The following SGPP2 variants were observed in gnomAD, a reference collection of about 807,000 sequenced individuals.
SGPP2 encodes the protein sphingosine 1-phosphate phosphohydrolase 2.
Under a neutral mutation model 33.9 loss-of-function variants are expected in SGPP2, and 30 were observed. The observed-to-expected ratio is 0.89, with a 90% CI of 0.66 to 1.20. The LOEUF is 1.20. SGPP2 is among the 50% of genes most tolerant of loss of function. The pLI is 0.00. For synonymous variants in SGPP2, 233 were observed against 225.0 expected (o/e 1.04, Z -0.32); for missense variants, 458 against 532.1 (o/e 0.86, Z 1.37).
chr2:222,513,894 A>G lies in SGPP2; in HGVS notation c.379-7873A>G, dbSNP rs773090164. Among the ~76,000 whole-genome samples, 161 of 152,312 alleles carry G rather than the reference A, an allele frequency of 1.1e-3. 1 individual carries two copies. Among genetic ancestry groups the G allele is most frequent in the Non-Finnish European group, 2.0e-3 (138 of 68,032 alleles). On this transcript the variant is annotated intron_variant, in intron 2 of 4. Coordinates refer to ENST00000321276, the MANE Select transcript of SGPP2 (RefSeq NM_152386.4). Reference sequence around the variant, plus strand: ...CAGACTTGTGGCTTCTAAGCCCTACATATCCACTAGTCAATTTTCCATCTC... The same window carrying G: ...CAGACTTGTGGCTTCTAAGCCCTACGTATCCACTAGTCAATTTTCCATCTC...
At chr2:222,452,849 C>T in intron 1 of SGPP2, 2 of 1,608,050 alleles carry the variant, frequency 1.2e-6, no homozygotes, top group Admixed American at 1.7e-5. Flanking sequence ...TTTTCTGCCA[C>T]CTCTTAGATT....
chr2:222,521,327 T>C (rs554509711), intron 2 of SGPP2, among the ~76,000 whole-genome samples: 1 of 152,326 alleles, frequency 6.6e-6, no homozygotes, highest in East Asian at 1.9e-4. Flanking sequence ...GCACAGACTT[T>C]GAAGTCAGAC....
At chr2:222,546,728 G>T (rs1439817673) in intron 4 of SGPP2, among the ~76,000 whole-genome samples, 2 of 150,688 alleles carry the variant, frequency 1.3e-5, no homozygotes, top group Non-Finnish European at 2.9e-5. Flanking sequence ...GCCTATTTGC[G>T]CTTATGTATT....
At chr2:222,446,867 TGAG>T (rs1697406787) in intron 1 of SGPP2, among the ~76,000 whole-genome samples, 1 of 152,052 alleles carries the variant, frequency 6.6e-6, no homozygotes, top group African/African-American at 2.4e-5. Flanking sequence ...CTGAAATAAA[TGAG>T]AAAATATGGA....
In SGPP2 at chr2:222,524,974, G is replaced by C; in HGVS notation, c.589G>C (p.Val197Leu). 6.2e-7 allele frequency: 1 copy of C among 1,614,002 alleles called. No individual in the cohort carries two copies. Among genetic ancestry groups the C allele is most frequent in the Non-Finnish European group, 8.5e-7 (1 of 1,179,942 alleles). The stretch of plus-strand genomic sequence containing the variant: ...ATTTGTGTTGGGACTGGTGATGGCC[G>C]TGGTGTTTTCCACCTTGGTGTGTCT... Reference protein sequence around the residue: ...YPFVLGLVMAVVFSTLVCLSR... With the variant: ...YPFVLGLVMALVFSTLVCLSR... Residue 197 changes from valine to leucine, a missense_variant, in exon 4 of 5, where the codon GTG (valine) becomes CTG (leucine). Coordinates refer to ENST00000321276, the MANE Select transcript of SGPP2 (RefSeq NM_152386.4).
chr2:222,436,968 ACTGCCTC>A (rs1171932014), intron 1 of SGPP2, among the ~76,000 whole-genome samples: 1 of 152,094 alleles, frequency 6.6e-6, no homozygotes, highest in Admixed American at 6.5e-5. Context: ...AACCTCCATC[ACTGCCTC>A]CATGGCCACT....
At chr2:222,498,744 A>G (rs1289174130) in intron 2 of SGPP2, among the ~76,000 whole-genome samples, 1 of 152,230 alleles carries the variant, frequency 6.6e-6, no homozygotes, top group Non-Finnish European at 1.5e-5. Flanking sequence ...GAAGAAAAAC[A>G]GAAATAGGAT....
At chr2:222,555,698 T>G (rs1689385120) in intron 4 of SGPP2, among the ~76,000 whole-genome samples, 1 of 152,038 alleles carries the variant, frequency 6.6e-6, no homozygotes, top group Admixed American at 6.6e-5. Context: ...AATGCCCATG[T>G]TTAGGATGCA....
intron 1 of SGPP2, among the ~76,000 whole-genome samples, chr2:222,435,507 T>C (rs950710443): frequency 1.3e-5 from 2 of 152,186 alleles, no homozygotes; most frequent in Non-Finnish European, 2.9e-5. Flanking sequence ...CTTGAACCCA[T>C]GTACATCTCC....
chr2:222,535,153 G>A (rs1338553571), intron 4 of SGPP2, among the ~76,000 whole-genome samples: 1 of 151,956 alleles, frequency 6.6e-6, no homozygotes, highest in African/African-American at 2.4e-5. Flanking sequence ...AAGGCGGGCA[G>A]ATCACCTGAG....
chr2:222,439,066 C>T (rs978362448), intron 1 of SGPP2, among the ~76,000 whole-genome samples: 4 of 152,170 alleles, frequency 2.6e-5, no homozygotes, highest in Admixed American at 2.0e-4. Flanking sequence ...CCTCCATAAG[C>T]CCCTACTTTA....
rs1270970692 is a variant in SGPP2 at position 222,558,741 on chromosome 2, A to T, written c.1043A>T (p.Gln348Leu). ...VRQLVQNLSL[Q>L]VLYSWFKVVT... ...CAGCTTGTACAAAATCTCTCACTGC[A>T]AGTATTATACTCATGGTTCAAGGTG... The change falls in exon 5 of 5, where the codon CAA (glutamine) becomes CTA (leucine). Residue 348 changes from glutamine to leucine, a missense_variant. Physicochemically the swap from Gln to Leu is moderately radical, Grantham distance 113. Transcript: ENST00000321276. 1 of 1,614,144 alleles carries T rather than the reference A, an allele frequency of 6.2e-7. No individual in the cohort carries two copies. The highest frequency in any genetic ancestry group is 8.5e-7 in the Non-Finnish European group (1 of 1,180,008).
chr2:222,541,552 A>G (rs1698996973), intron 4 of SGPP2, among the ~76,000 whole-genome samples: 2 of 152,134 alleles, frequency 1.3e-5, no homozygotes, highest in Admixed American at 6.5e-5. Context: ...ATAGGACAAG[A>G]AATGTGCATC....
intron 1 of SGPP2, among the ~76,000 whole-genome samples, chr2:222,426,091 GCCT>G (rs1453174010): frequency 6.6e-6 from 1 of 151,190 alleles, no homozygotes; most frequent in Non-Finnish European, 1.5e-5. Flanking sequence ...TGGTGGTGCG[GCCT>G]GTAGTTCCAG....
chr2:222,487,680 C>T (rs1559158255), intron 2 of SGPP2, among the ~76,000 whole-genome samples: 1 of 152,160 alleles, frequency 6.6e-6, no homozygotes, highest in South Asian at 2.1e-4. Flanking sequence ...GGGGCTTTCA[C>T]AGGAGAGACA....
chr2:222,522,679 GTTTA>G (rs1340747993), intron 3 of SGPP2, among the ~76,000 whole-genome samples: 2 of 151,934 alleles, frequency 1.3e-5, no homozygotes, highest in African/African-American at 4.8e-5. Context: ...TTATTTGTTT[GTTTA>G]TTTGTTTGTT....
intron 1 of SGPP2, among the ~76,000 whole-genome samples, chr2:222,451,751 C>A (rs1205658167): frequency 6.6e-6 from 1 of 152,166 alleles, no homozygotes; most frequent in African/African-American, 2.4e-5. Context: ...GGGAAAAGAT[C>A]TATAAATTCA....
intron 4 of SGPP2, among the ~76,000 whole-genome samples, chr2:222,533,545 A>G (rs1168435319): frequency 6.6e-6 from 1 of 152,172 alleles, no homozygotes; most frequent in Admixed American, 6.5e-5. Context: ...GTTAGTCAGG[A>G]CTCCTTGAAT....
intron 2 of SGPP2, among the ~76,000 whole-genome samples, chr2:222,478,335 G>C (rs1186877318): frequency 4.0e-5 from 6 of 151,522 alleles, no homozygotes; most frequent in Non-Finnish European, 8.8e-5. Flanking sequence ...CTCTCTGATG[G>C]GCTACAGAGA....
Sources: gnomAD v4.1 joint callset for allele counts (sites outside exome capture counted in the v4.1 genomes callset) on GRCh38, gnomAD v4.1.1 for gene constraint, MANE v1.5 for transcripts, NCBI Gene and HGNC (gene_info 2026-07-23, HGNC 2026-07-21) for gene names.